WDFY4: variants seen among roughly 807,000 people sequenced by gnomAD.
WDFY4 encodes WD repeat- and FYVE domain-containing protein 4.
Under a neutral mutation model 351.9 loss-of-function variants are expected in WDFY4, and 169 were observed. That is an observed-to-expected ratio of 0.48 (90% CI 0.42 to 0.55). The LOEUF (loss-of-function observed/expected upper bound fraction) is 0.55. Ranked by LOEUF, WDFY4 falls within the 20% of genes least tolerant of loss-of-function variation. The pLI is 0.00. For missense variants in WDFY4, 3,803 were observed against 3,935.6 expected (o/e 0.97, Z 0.90); for synonymous variants, 1,622 against 1,574.6 (o/e 1.03, Z -0.71).
In WDFY4 at chr10:48,796,164, C is replaced by A. The variant is rs561487476; in HGVS notation, c.4258-134C>A. On this transcript the variant is annotated intron_variant, in intron 23 of 61. Transcript: ENST00000325239. ...GCCACAGAAGTTGATGTGTATTTTT[C>A]TTCTGAGAACATGGAATGAAGGATG... The A allele has an allele frequency of 7.1e-6, 8 of 1,123,698 alleles. No homozygotes were observed. The South Asian group carries it at 1.2e-4, about 17-fold the overall frequency. The allele number at this position is 1,123,698 out of a possible 1,614,324, so 69.6% of individuals were successfully genotyped here. A position where few individuals can be genotyped will look rare whatever the true frequency, so the allele number is the denominator to read the frequency against.
rs186258606 is a variant in WDFY4 at position 48,960,519 on chromosome 10, T to A, written c.8223+706T>A. 4.0e-3 allele frequency among the ~76,000 whole-genome samples: 613 copies of A among 152,350 alleles called. 3 individuals are homozygous for A. The highest frequency in any genetic ancestry group is 0.014 in the African/African-American group (573 of 41,568). ...TTGTACAAAAGCTTGGTAATTTTTT[T>A]AAAAATTTGCAGGTGCATTTGCCAT... On this transcript the variant is annotated intron_variant, in intron 53 of 61. Coordinates refer to ENST00000325239, the MANE Select transcript of WDFY4 (RefSeq NM_001394531.1).
At chr10:48,801,549 G>A (rs539063741) in intron 24 of WDFY4, 3 of 455,982 alleles carry the variant, frequency 6.6e-6, no homozygotes, top group African/African-American at 6.0e-5. Context: ...GTTTTCACTA[G>A]AGCTGCCTTC....
intron 13 of WDFY4, among the ~76,000 whole-genome samples, chr10:48,772,447 T>G (rs1008001852): frequency 5.3e-5 from 8 of 150,926 alleles, no homozygotes; most frequent in Non-Finnish European, 8.8e-5. Context: ...AGTGTGTGTG[T>G]ATGTGTATTT....
intron 14 of WDFY4, among the ~76,000 whole-genome samples, chr10:48,775,473 T>C (rs745715140): frequency 7.2e-5 from 11 of 152,200 alleles, no homozygotes; most frequent in Non-Finnish European, 1.5e-4. Flanking sequence ...AAATTTACTT[T>C]GTGACATTAT....
intron 1 of WDFY4, among the ~76,000 whole-genome samples, chr10:48,692,692 T>C (rs773694018): frequency 6.6e-6 from 1 of 152,230 alleles, no homozygotes; most frequent in Non-Finnish European, 1.5e-5. Context: ...TGGGAATTAA[T>C]GCAGGCCAAC....
At chr10:48,885,024 A>G (rs1421630201) in intron 43 of WDFY4, among the ~76,000 whole-genome samples, 1 of 152,222 alleles carries the variant, frequency 6.6e-6, no homozygotes, top group Non-Finnish European at 1.5e-5. Context: ...GAATGAACAA[A>G]TAGATGAGTG....
At chr10:48,822,706 A>G (rs1239404045) in intron 35 of WDFY4, among the ~76,000 whole-genome samples, 169 bp downstream of exon 35, 1 of 152,266 alleles carries the variant, frequency 6.6e-6, no homozygotes, top group African/African-American at 2.4e-5. Context: ...AGGCTACTGC[A>G]TGTCCAGCAG....
At chr10:48,803,400 C>T (rs756854732) in intron 25 of WDFY4, 41 bp downstream of exon 25, 67 of 1,541,962 alleles carry the variant, frequency 4.3e-5, no homozygotes, top group Non-Finnish European at 5.7e-5. Flanking sequence ...GAACTGAAGG[C>T]TGAATGTCCA....
In WDFY4 at chr10:48,978,283, C is replaced by T. The variant is rs750544487; in HGVS notation, c.9292-26C>T. On this transcript the variant is annotated intron_variant, in intron 59 of 61. Transcript: ENST00000325239. ...TTGCAGACAGGATCGTCTTCCCCGC[C>T]GATGACATTTGCTCTTTTGGGGCAG... is the stretch of plus-strand genomic sequence containing the variant. 1.3e-4 allele frequency: 204 copies of T among 1,547,622 alleles called. 2 individuals are homozygous for T. The highest frequency in any genetic ancestry group is 3.6e-5 in the South Asian group (3 of 83,400).
chr10:48,823,048 A>G (rs974722043), intron 35 of WDFY4: 1 of 1,034,860 alleles, frequency 9.7e-7, no homozygotes, highest in Non-Finnish European at 1.3e-6. Flanking sequence ...GTATAGTTAC[A>G]TACCTACCTG....
intron 40 of WDFY4, among the ~76,000 whole-genome samples, chr10:48,867,976 C>A (rs1051432368): frequency 6.6e-6 from 1 of 152,074 alleles, no homozygotes; most frequent in Non-Finnish European, 1.5e-5. Context: ...AGATGAAACC[C>A]AGAGTAAAGA....
At chr10:48,969,289 A>G in intron 56 of WDFY4, 41 bp downstream of exon 56, 1 of 1,543,264 alleles carries the variant, frequency 6.5e-7, no homozygotes. Context: ...TCAGGACCTC[A>G]GCCTTCCTCC....
At chr10:48,954,463 C>T (rs1272301710) in intron 51 of WDFY4, among the ~76,000 whole-genome samples, 1 of 152,246 alleles carries the variant, frequency 6.6e-6, no homozygotes, top group Non-Finnish European at 1.5e-5. Flanking sequence ...TGTTCCCTTC[C>T]AAGTTCTAGA....
intron 43 of WDFY4, among the ~76,000 whole-genome samples, chr10:48,881,888 C>T (rs984547442): frequency 6.6e-6 from 1 of 152,196 alleles, no homozygotes; most frequent in South Asian, 2.1e-4. Context: ...CATACTCCCA[C>T]CCCAGAGCAT....
At chr10:48,978,220 C>T (rs973277566) in intron 59 of WDFY4, 89 bp from the exon 60 acceptor site, 1 of 1,341,046 alleles carries the variant, frequency 7.5e-7, no homozygotes, top group Non-Finnish European at 1.0e-6. Flanking sequence ...CCCTGGGGGA[C>T]CCCTAGGCGT....
chr10:48,871,466 C>T (rs1165064198), intron 40 of WDFY4, among the ~76,000 whole-genome samples: 1 of 125,416 alleles, frequency 8.0e-6, no homozygotes, highest in African/African-American at 3.2e-5. Flanking sequence ...TTTCTGGTGG[C>T]CCCCCCCTTT....
chr10:48,885,115 T>G, intron 43 of WDFY4, among the ~76,000 whole-genome samples: 1 of 152,164 alleles, frequency 6.6e-6, no homozygotes, highest in South Asian at 2.1e-4. Context: ...GGTTTCTTAG[T>G]GTATGGGCTT....
chr10:48,769,927 A>C (rs958012099), intron 13 of WDFY4, among the ~76,000 whole-genome samples: 3 of 152,230 alleles, frequency 2.0e-5, no homozygotes, highest in African/African-American at 7.2e-5. Flanking sequence ...CCGCTGGCCA[A>C]CCTGGTGACC....
chr10:48,707,168 G>A (rs1158804416), intron 1 of WDFY4, among the ~76,000 whole-genome samples: 1 of 152,172 alleles, frequency 6.6e-6, no homozygotes, highest in Non-Finnish European at 1.5e-5. Flanking sequence ...CATGTAAAGG[G>A]ATGCTCATAC....
Sources: allele counts gnomAD v4.1 joint callset (sites outside exome capture counted in the v4.1 genomes callset), GRCh38; gene constraint gnomAD v4.1.1; transcripts MANE v1.5; gene names NCBI Gene and HGNC (gene_info 2026-07-23, HGNC 2026-07-21).